DNM3: variants seen among roughly 807,000 people sequenced by gnomAD.
DNM3 encodes the protein dynamin 3.
A neutral mutation model predicts 101.6 loss-of-function variants in DNM3; 47 were observed. The ratio of observed to expected loss-of-function variants is 0.46; its 90% CI spans 0.37 to 0.59. The LOEUF (loss-of-function observed/expected upper bound fraction) is 0.59. Ranked by LOEUF, DNM3 falls within the 20% of genes least tolerant of loss-of-function variation. DNM3 has a pLI of 0.00. For missense variants in DNM3, 849 were observed against 1,085.7 expected, an observed-to-expected ratio of 0.78 and a Z score of 3.06; for synonymous variants, 385 against 387.9, an observed-to-expected ratio of 0.99 and a Z score of 0.09.
chr1:172,361,377 C>T (rs951399543), intron 17 of DNM3, among the ~76,000 whole-genome samples: 1 of 151,964 alleles, frequency 6.6e-6, no homozygotes, highest in Admixed American at 6.6e-5. Flanking sequence ...CTTTCTTTTA[C>T]GCTAAGTCAG....
At chr1:171,987,600 A>G in intron 2 of DNM3, 56 bp from the exon 3 acceptor site, 1 of 1,486,016 alleles carries the variant, frequency 6.7e-7, no homozygotes, top group South Asian at 1.4e-5. Context: ...AAACTTTTAT[A>G]ATTATGGCAA....
chr1:172,353,870 GTAT>G (rs892888796), intron 17 of DNM3, among the ~76,000 whole-genome samples: 1 of 151,994 alleles, frequency 6.6e-6, no homozygotes, highest in African/African-American at 2.4e-5. Flanking sequence ...CTAGTGTACA[GTAT>G]TATTATCAGT....
intron 2 of DNM3, among the ~76,000 whole-genome samples, chr1:171,941,418 T>C (rs1441326612): frequency 6.6e-6 from 1 of 152,206 alleles, no homozygotes; most frequent in Non-Finnish European, 1.5e-5. Flanking sequence ...ACAGGAGTGA[T>C]ATGAAGAAAT....
intron 12 of DNM3, among the ~76,000 whole-genome samples, chr1:172,083,933 A>T (rs892981836): frequency 6.6e-6 from 1 of 152,164 alleles, no homozygotes; most frequent in African/African-American, 2.4e-5. Context: ...TCCAGCAGTG[A>T]GATAGACTAT....
chr1:172,284,862 GT>G (rs548079721), intron 15 of DNM3, among the ~76,000 whole-genome samples: 10 of 152,160 alleles, frequency 6.6e-5, no homozygotes, highest in East Asian at 1.9e-4. Context: ...ATAGAAGGGA[GT>G]TATGGTTCAA....
intron 17 of DNM3, among the ~76,000 whole-genome samples, chr1:172,364,138 T>G (rs2067887531): frequency 6.6e-6 from 1 of 151,946 alleles, no homozygotes; most frequent in Admixed American, 6.6e-5. Flanking sequence ...GCTGTGACTT[T>G]CCCTTTAATC....
rs145565979 is a variant in DNM3 at position 171,851,461 on chromosome 1, G to A, written c.161+9644G>A. 2.0e-3 allele frequency among the ~76,000 whole-genome samples: 306 copies of A among 152,318 alleles called. 3 individuals are homozygous for A. Among genetic ancestry groups the A allele is most frequent in the African/African-American group, 7.1e-3 (295 of 41,578 alleles). On this transcript the variant is annotated intron_variant, in intron 1 of 20. Transcript: ENST00000627582. The stretch of plus-strand genomic sequence containing the variant: ...GTCTCGCTCTGTCGTCCCGGCTGAA[G>A]TGCAGTGAGTGGCATGATCTCAGCT...
chr1:171,915,830 A>G (rs960980431), intron 1 of DNM3, among the ~76,000 whole-genome samples: 2 of 152,074 alleles, frequency 1.3e-5, no homozygotes, highest in Admixed American at 1.3e-4. Context: ...GTGTTTGGCT[A>G]CCTCTCTGGT....
chr1:172,116,466 T>C (rs1484384130), intron 13 of DNM3, among the ~76,000 whole-genome samples: 17 of 152,108 alleles, frequency 1.1e-4, no homozygotes, highest in Non-Finnish European at 1.2e-4. Context: ...CCACATTTGG[T>C]GCGAATCCAA....
At chr1:172,389,898 G>A (rs1462398725) in intron 20 of DNM3, among the ~76,000 whole-genome samples, 1 of 152,208 alleles carries the variant, frequency 6.6e-6, no homozygotes, top group Non-Finnish European at 1.5e-5. Flanking sequence ...GAATAGGCAG[G>A]AGATTTGCAG....
chr1:172,073,591 G>A lies in DNM3; in HGVS notation c.1422+4686G>A, dbSNP rs2052396117. Reference sequence around the variant, plus strand: ...TGGCTTTCTTGAGGAAGTACCCACTGGGGAGCATTATGTAGAATATGTCTA... The same window carrying A: ...TGGCTTTCTTGAGGAAGTACCCACTAGGGAGCATTATGTAGAATATGTCTA... On this transcript the variant is annotated intron_variant, in intron 11 of 20. Transcript: ENST00000627582. 3.9e-5 allele frequency among the ~76,000 whole-genome samples: 6 copies of A among 152,294 alleles called. No homozygotes were observed. The South Asian group carries it at 1.0e-3, about 26-fold the overall frequency.
At chr1:172,215,930 C>T (rs1447254212) in intron 14 of DNM3, among the ~76,000 whole-genome samples, 1 of 143,952 alleles carries the variant, frequency 6.9e-6, no homozygotes, top group Non-Finnish European at 1.5e-5. Flanking sequence ...TCTGATAATT[C>T]AATTTATAAT....
chr1:172,340,455 C>T (rs1055721262), intron 17 of DNM3, among the ~76,000 whole-genome samples: 1 of 152,172 alleles, frequency 6.6e-6, no homozygotes, highest in African/African-American at 2.4e-5. Flanking sequence ...TGCCTAGCTC[C>T]CACTGGTCTG....
chr1:172,043,628 AG>A (rs998649981), intron 8 of DNM3, among the ~76,000 whole-genome samples: 4 of 152,056 alleles, frequency 2.6e-5, no homozygotes, highest in African/African-American at 9.7e-5. Flanking sequence ...AGGCTACAGG[AG>A]GGGGTGATCC....
chr1:171,903,237 A>G (rs749741228), intron 1 of DNM3, among the ~76,000 whole-genome samples: 28 of 152,228 alleles, frequency 1.8e-4, no homozygotes, highest in South Asian at 8.3e-4. Flanking sequence ...GAAAAATTCT[A>G]ATTGAGAGAA....
chr1:172,131,753 C>A (rs1005316375), intron 14 of DNM3: 1 of 350,010 alleles, frequency 2.9e-6, no homozygotes, highest in Non-Finnish European at 5.6e-6. Context: ...ACGTCCACAT[C>A]GCTAGTCTTC....
intron 14 of DNM3, among the ~76,000 whole-genome samples, chr1:172,196,607 C>A (rs2059958617): frequency 1.3e-5 from 2 of 151,882 alleles, no homozygotes; most frequent in Non-Finnish European, 2.9e-5. Flanking sequence ...TGCTGACTGG[C>A]ATGAGATGTT....
chr1:172,073,768 G>T (rs762908470), intron 11 of DNM3, among the ~76,000 whole-genome samples: 1 of 152,162 alleles, frequency 6.6e-6, no homozygotes, highest in East Asian at 1.9e-4. Context: ...TGTAAGCACC[G>T]TATTTCTCCC....
At chr1:171,926,776 T>C (rs147648950) in intron 2 of DNM3, among the ~76,000 whole-genome samples, 1 of 152,266 alleles carries the variant, frequency 6.6e-6, no homozygotes, top group Admixed American at 6.5e-5. Flanking sequence ...CATCTGAAAA[T>C]CATATCAGTG....
Sources: gnomAD v4.1 joint callset for allele counts (sites outside exome capture counted in the v4.1 genomes callset) on GRCh38, gnomAD v4.1.1 for gene constraint, MANE v1.5 for transcripts, NCBI Gene and HGNC (gene_info 2026-07-23, HGNC 2026-07-21) for gene names.